C9orf85: variants seen among roughly 807,000 people sequenced by gnomAD.
C9orf85 encodes chromosome 9 open reading frame 85.
In C9orf85, 16 loss-of-function variants were observed where a neutral mutation model predicts 14.9. The ratio of observed to expected loss-of-function variants is 1.08; its 90% CI spans 0.73 to 1.63. C9orf85 has a LOEUF of 1.63. C9orf85 is among the 40% of genes most tolerant of loss of function. C9orf85 has a pLI of 0.00. For missense variants in C9orf85, 172 were observed against 186.1 expected, an observed-to-expected ratio of 0.92 and a Z score of 0.44; for synonymous variants, 45 against 56.8, an observed-to-expected ratio of 0.79 and a Z score of 0.93.
At chr9:71,972,573 ATACT>A (rs1822904578) in intron 3 of C9orf85, 115 bp from the exon 4 acceptor site, 1 of 682,832 alleles carries the variant, frequency 1.5e-6, no homozygotes, top group Non-Finnish European at 2.3e-6. Flanking sequence ...CTTTTTCTTT[ATACT>A]TACTTCATTA....
chr9:71,931,985 A>C (rs1382112977), intron 1 of C9orf85, among the ~76,000 whole-genome samples: 2 of 152,160 alleles, frequency 1.3e-5, no homozygotes, highest in African/African-American at 4.8e-5. Context: ...GCTTGTTTAA[A>C]ATGCAGAATC....
chr9:71,946,087 A>C (rs1463978482), intron 1 of C9orf85, among the ~76,000 whole-genome samples: 1 of 152,242 alleles, frequency 6.6e-6, no homozygotes, highest in African/African-American at 2.4e-5. Flanking sequence ...CCCTTTCTCC[A>C]CTACAGATAT....
intron 2 of C9orf85, among the ~76,000 whole-genome samples, chr9:71,960,857 C>T (rs980087814): frequency 3.3e-5 from 5 of 151,820 alleles, no homozygotes; most frequent in African/African-American, 1.2e-4. Flanking sequence ...TCTATCTGTT[C>T]CTTCATGTTT....
At chr9:71,921,927 T>TA (rs1469944644) in intron 1 of C9orf85, among the ~76,000 whole-genome samples, 3,111 of 43,580 alleles carry the variant, frequency 0.071, 82 homozygotes, top group African/African-American at 0.14. Context: ...TTTATTTTTT[T>TA]TTTATTATTA....
intron 1 of C9orf85, among the ~76,000 whole-genome samples, chr9:71,943,606 G>A (rs376618077): frequency 6.6e-5 from 10 of 151,392 alleles, no homozygotes; most frequent in African/African-American, 2.4e-4. Flanking sequence ...GCAATGGCAC[G>A]ATCTCAGCTC....
rs753337640 is a variant in C9orf85, at chr9:71,947,039, C to T, written c.136C>T (p.Gln46Ter). ...TGCAAAACTTCATGATGGAGTATGT[C>T]AGCGCTGTAAAGAAGTTCTTGAGTG... is the stretch of plus-strand genomic sequence containing the variant. ...INAKLHDGVCQRCKEVLEWRV... is the reference protein window; with the variant it reads ...INAKLHDGVC Residue 46 changes from glutamine (Q) to a stop codon, truncating the protein, a stop_gained, in exon 2 of 4, where the codon CAG (glutamine) becomes TAG (stop). Transcript: ENST00000334731. LOFTEE classifies it high-confidence loss of function. 8.1e-6 allele frequency: 13 copies of T among 1,613,116 alleles called. No homozygotes were observed.
At chr9:71,942,794 T>G (rs905236954) in intron 1 of C9orf85, among the ~76,000 whole-genome samples, 2 of 151,836 alleles carry the variant, frequency 1.3e-5, no homozygotes, top group African/African-American at 4.8e-5. Flanking sequence ...TCCTAGCTAC[T>G]CAGGAGCCTG....
chr9:71,936,096 G>T (rs1025659467), intron 1 of C9orf85, among the ~76,000 whole-genome samples: 4 of 152,010 alleles, frequency 2.6e-5, no homozygotes, highest in Non-Finnish European at 5.9e-5. Flanking sequence ...TAAAGATGAG[G>T]TTTGGGACAC....
intron 1 of C9orf85, among the ~76,000 whole-genome samples, chr9:71,928,573 G>A (rs568877048): frequency 6.6e-6 from 1 of 152,210 alleles, no homozygotes; most frequent in Non-Finnish European, 1.5e-5. Context: ...TAATATGTTG[G>A]AAGGAGTCCT....
chr9:71,971,344 G>A (rs1379958162), intron 2 of C9orf85, among the ~76,000 whole-genome samples, 161 bp from the exon 3 acceptor site: 1 of 152,152 alleles, frequency 6.6e-6, no homozygotes, highest in Non-Finnish European at 1.5e-5. Flanking sequence ...ATTTAGAAAT[G>A]TGATATAATT....
chr9:71,965,666 C>G (rs1220582527), intron 2 of C9orf85, among the ~76,000 whole-genome samples: 2 of 152,146 alleles, frequency 1.3e-5, no homozygotes, highest in South Asian at 4.1e-4. Context: ...CTCCTGGGCT[C>G]AGGCAATTCT....
intron 1 of C9orf85, among the ~76,000 whole-genome samples, chr9:71,938,627 A>G (rs1706205617): frequency 6.6e-6 from 1 of 151,984 alleles, no homozygotes; most frequent in African/African-American, 2.4e-5. Context: ...AAGAAGTAGT[A>G]CACACTTGAC....
At chr9:71,967,023 C>A (rs963000984) in intron 2 of C9orf85, among the ~76,000 whole-genome samples, 2 of 152,194 alleles carry the variant, frequency 1.3e-5, no homozygotes, top group East Asian at 3.8e-4. Flanking sequence ...AGTTTTGTGC[C>A]ACCCTCTGGC....
At chr9:71,977,195 T>C (rs1255991554), downstream of C9orf85, among the ~76,000 whole-genome samples, 13 of 138,430 alleles carry the variant, frequency 9.4e-5, no homozygotes, top group Middle Eastern at 7.4e-3. Context: ...AAAAAGTTTT[T>C]AAATAAAGTT....
At chr9:71,958,651 C>CA (rs571709017) in intron 2 of C9orf85, among the ~76,000 whole-genome samples, 129 of 152,158 alleles carry the variant, frequency 8.5e-4, no homozygotes, top group Middle Eastern at 6.8e-3. Context: ...AGTGGCCTTG[C>CA]AAAGCTGTCT....
intron 1 of C9orf85, among the ~76,000 whole-genome samples, chr9:71,915,879 T>C (rs763517420): frequency 5.3e-5 from 8 of 152,226 alleles, no homozygotes; most frequent in Non-Finnish European, 8.8e-5. Flanking sequence ...TTAACTACTT[T>C]CCTATTAATA....
intron 2 of C9orf85, among the ~76,000 whole-genome samples, chr9:71,960,635 C>T (rs10869072): frequency 0.94 from 142,695 of 152,188 alleles, 67,516 homozygotes; most frequent in East Asian, 1. Flanking sequence ...TGCAGTGGGG[C>T]GATCTCAGCT....
At position 71,969,942 on chromosome 9, in the gene C9orf85, G is replaced by T. The variant is rs535030436; in HGVS notation, c.210-1563G>T. 1.2e-4 allele frequency among the ~76,000 whole-genome samples: 8 copies of T among 65,430 alleles called. No individual in the cohort carries two copies. The East Asian group carries it at 3.3e-3, about 27-fold the overall frequency. The allele number at this position is 65,430 out of a possible 152,430, so 42.9% of individuals were successfully genotyped here. A position where few individuals can be genotyped will look rare whatever the true frequency, so the allele number is the denominator to read the frequency against. On this transcript the variant is annotated intron_variant, in intron 2 of 3. Coordinates refer to ENST00000334731, the MANE Select transcript of C9orf85 (RefSeq NM_182505.5). ...TGATATATACTTTATATAAATTTCAGGGTTTTTTCTTTTTTTTTTCATACA... is the reference window on the plus strand; with the variant it reads ...TGATATATACTTTATATAAATTTCATGGTTTTTTCTTTTTTTTTTCATACA...
At chr9:71,964,261 T>C (rs1383018076) in intron 2 of C9orf85, among the ~76,000 whole-genome samples, 1 of 152,068 alleles carries the variant, frequency 6.6e-6, no homozygotes, top group Non-Finnish European at 1.5e-5. Flanking sequence ...CACTGGGCTC[T>C]ACCAATCAGC....
Sources: gnomAD v4.1 joint callset for allele counts (sites outside exome capture counted in the v4.1 genomes callset) on GRCh38, gnomAD v4.1.1 for gene constraint, MANE v1.5 for transcripts, NCBI Gene and HGNC (gene_info 2026-07-23, HGNC 2026-07-21) for gene names.